FAM53B: variants seen among roughly 807,000 people sequenced by gnomAD.
The protein encoded by FAM53B is protein FAM53B.
Under a neutral mutation model 32.7 loss-of-function variants are expected in FAM53B, and 12 were observed. The observed-to-expected ratio is 0.37, with a 90% CI of 0.24 to 0.59. The LOEUF (loss-of-function observed/expected upper bound fraction) is 0.59. FAM53B is among the 20% of genes least tolerant of loss of function. The pLI, the probability that FAM53B is intolerant of heterozygous loss-of-function variation, is 0.72. For missense variants in FAM53B, 477 were observed against 577.7 expected, an observed-to-expected ratio of 0.83 and a Z score of 1.79; for synonymous variants, 234 against 228.7, an observed-to-expected ratio of 1.02 and a Z score of -0.21.
intron 3 of FAM53B, among the ~76,000 whole-genome samples, chr10:124,695,590 T>C (rs1949863236): frequency 6.6e-6 from 1 of 152,146 alleles, no homozygotes; most frequent in Non-Finnish European, 1.5e-5. Flanking sequence ...AAACAGCCTC[T>C]TGACCCAACA....
chr10:124,638,830 G>A (rs1408076157), intron 4 of FAM53B, among the ~76,000 whole-genome samples: 1 of 152,222 alleles, frequency 6.6e-6, no homozygotes, highest in East Asian at 1.9e-4. Flanking sequence ...CATGCCCGCT[G>A]GTGGTGGGTG....
chr10:124,695,636 T>G (rs990964494), intron 3 of FAM53B, among the ~76,000 whole-genome samples: 12 of 152,328 alleles, frequency 7.9e-5, no homozygotes, highest in African/African-American at 2.9e-4. Context: ...GACATTCTGA[T>G]ACATTTACCA....
chr10:124,701,422 C>T (rs1438136400), intron 2 of FAM53B, among the ~76,000 whole-genome samples: 2 of 152,262 alleles, frequency 1.3e-5, no homozygotes, highest in Non-Finnish European at 2.9e-5. Flanking sequence ...GCCTGGAGCT[C>T]CATGCTGCCC....
At chr10:124,686,094 C>A (rs1209585593) in intron 3 of FAM53B, among the ~76,000 whole-genome samples, 2 of 152,206 alleles carry the variant, frequency 1.3e-5, no homozygotes, top group Non-Finnish European at 2.9e-5. Context: ...AACCAGCCCA[C>A]AAAGTACAAC....
chr10:124,634,457 T>C (rs1016370246), intron 4 of FAM53B, among the ~76,000 whole-genome samples: 11 of 152,352 alleles, frequency 7.2e-5, no homozygotes, highest in East Asian at 3.9e-4. Flanking sequence ...GGAAGGTAAC[T>C]GAATCATGGG....
chr10:124,736,912 A>G (rs952210103), intron 1 of FAM53B, among the ~76,000 whole-genome samples: 6 of 152,266 alleles, frequency 3.9e-5, no homozygotes, highest in African/African-American at 1.4e-4. Flanking sequence ...CGTGTCTTAC[A>G]GCAGGAACTC....
intron 1 of FAM53B, among the ~76,000 whole-genome samples, chr10:124,734,288 C>T (rs1950162070): frequency 6.6e-6 from 1 of 152,252 alleles, no homozygotes; most frequent in Admixed American, 6.5e-5. Context: ...CTGAATTCCT[C>T]AGGGCCTGAC....
chr10:124,626,396 C>CG lies in FAM53B; in HGVS notation c.907-2793_907-2792insC, dbSNP rs963839764. ...CTACGGTCGAAATTTGTGCCCCCCC[C>CG]CCCCCCACCATTCCTCAGTGCAAAA... On this transcript the variant is annotated intron_variant, in intron 4 of 4. Coordinates refer to ENST00000337318, the MANE Select transcript of FAM53B (RefSeq NM_014661.4). Among the ~76,000 whole-genome samples, 3 of 146,792 alleles carry CG rather than the reference C, an allele frequency of 2.0e-5. No homozygotes were observed. The East Asian group carries it at 6.0e-4, about 29-fold the overall frequency.
chr10:124,657,688 T>C (rs892977993), intron 4 of FAM53B, among the ~76,000 whole-genome samples: 1 of 152,264 alleles, frequency 6.6e-6, no homozygotes, highest in Admixed American at 6.5e-5. Flanking sequence ...ATACAAGTGT[T>C]TGTGCCCTCT....
At chr10:124,738,421 T>G (rs865961638) in intron 1 of FAM53B, among the ~76,000 whole-genome samples, 97 of 151,634 alleles carry the variant, frequency 6.4e-4, no homozygotes, top group African/African-American at 2.3e-3. Flanking sequence ...TCAGAACCAT[T>G]ACTTTACTCT....
intron 4 of FAM53B, among the ~76,000 whole-genome samples, chr10:124,629,921 CTTCTT>C (rs910222886): frequency 6.6e-5 from 10 of 152,222 alleles, no homozygotes; most frequent in African/African-American, 2.4e-4. Flanking sequence ...GTGGTGGTGG[CTTCTT>C]TTCCTCTGAG....
chr10:124,623,937 C>T (rs1461094372), intron 4 of FAM53B: 2 of 284,380 alleles, frequency 7.0e-6, no homozygotes, highest in Middle Eastern at 9.7e-4. Flanking sequence ...TTCTGAAGCG[C>T]AACCTGGGGA....
At chr10:124,625,906 C>T (rs3781476) in intron 4 of FAM53B, among the ~76,000 whole-genome samples, 32,546 of 152,220 alleles carry the variant, frequency 0.21, 4,490 homozygotes, top group Middle Eastern at 0.31. Context: ...CCTGACCCAC[C>T]TTCTCCTGAC....
chr10:124,713,721 T>A (rs1233264100), intron 1 of FAM53B: 1 of 152,260 alleles, frequency 6.6e-6, no homozygotes, highest in East Asian at 1.9e-4. Context: ...CTTCTTTTAG[T>A]GTCTTTATTT....
intron 4 of FAM53B, among the ~76,000 whole-genome samples, chr10:124,669,580 GGCTGGGA>G (rs1949694300): frequency 6.6e-6 from 1 of 152,204 alleles, no homozygotes; most frequent in Non-Finnish European, 1.5e-5. Flanking sequence ...CTGGGCCAAA[GGCTGGGA>G]GCAGCCCCAC....
At chr10:124,681,505 G>A in intron 4 of FAM53B, 102 bp downstream of exon 4, 1 of 1,017,176 alleles carries the variant, frequency 9.8e-7, no homozygotes, top group East Asian at 2.6e-5. Flanking sequence ...ACCCACTCCT[G>A]GGTATTTCTG....
intron 4 of FAM53B, among the ~76,000 whole-genome samples, chr10:124,639,634 G>C (rs1046457487): frequency 1.3e-5 from 2 of 152,056 alleles, no homozygotes; most frequent in Non-Finnish European, 2.9e-5. Flanking sequence ...ACTTTCCCAG[G>C]GACACACCTC....
At chr10:124,636,864 G>A (rs1285524418) in intron 4 of FAM53B, among the ~76,000 whole-genome samples, 2 of 151,732 alleles carry the variant, frequency 1.3e-5, no homozygotes, top group Admixed American at 6.6e-5. Context: ...CCCACTGGCC[G>A]TGTTTTCACA....
chr10:124,623,189 AGTGGGG>A lies in FAM53B; in HGVS notation c.*47_*52del. 6.6e-7 allele frequency: 1 copy of A among 1,523,578 alleles called. No individual in the cohort carries two copies. Among genetic ancestry groups the A allele is most frequent in the Non-Finnish European group, 8.8e-7 (1 of 1,134,564 alleles). 94.4% of individuals were successfully genotyped at this position (1,523,578 alleles called of 1,614,324 possible). A position where few individuals can be genotyped will look rare whatever the true frequency, so the allele number is the denominator to read the frequency against. On this transcript the variant is annotated 3_prime_UTR_variant, in exon 5 of 5. Coordinates refer to ENST00000337318, the MANE Select transcript of FAM53B (RefSeq NM_014661.4). ...CTTCAAGGGCCCACCTAGTGCCCAG[AGTGGGG>A]GCTGTCGATGCCAGCACACCCCAGC... is the stretch of plus-strand genomic sequence containing the variant.
Sources: allele counts gnomAD v4.1 joint callset (sites outside exome capture counted in the v4.1 genomes callset), GRCh38; gene constraint gnomAD v4.1.1; transcripts MANE v1.5; gene names NCBI Gene and HGNC (gene_info 2026-07-23, HGNC 2026-07-21).